Variants in DET1 observed in about 807,000 individuals in gnomAD.
DET1 encodes the protein DET1 partner of COP1 E3 ubiquitin ligase.
Under a neutral mutation model 43.7 loss-of-function variants are expected in DET1, and 22 were observed. The ratio of observed to expected loss-of-function variants is 0.50; its 90% CI spans 0.36 to 0.72. The LOEUF (loss-of-function observed/expected upper bound fraction) is 0.72, where lower values mean the gene tolerates loss of function less well. Among genes scored for constraint, DET1 ranks in the 30% least tolerant of loss-of-function variants. The pLI is 0.00. For missense variants in DET1, 713 were observed against 713.3 expected, an observed-to-expected ratio of 1.00 and a Z score of 0.00; for synonymous variants, 315 against 266.2, an observed-to-expected ratio of 1.18 and a Z score of -1.79.
chr15:88,538,762 CCAAA>C (rs375227870), intron 1 of DET1, among the ~76,000 whole-genome samples: 9 of 152,118 alleles, frequency 5.9e-5, no homozygotes, highest in African/African-American at 1.4e-4. Context: ...TTTCAGGTCC[CCAAA>C]CAGTGACCAC....
chr15:88,512,741 T>A lies in DET1; in HGVS notation c.*210A>T. 1 of 1,295,752 alleles carries A rather than the reference T, an allele frequency of 7.7e-7. No individual in the cohort carries two copies. The allele number at this position is 1,295,752 out of a possible 1,614,324, so 80.3% of individuals were successfully genotyped here. ...TTCCCACAGGGAAAACGCAAGAGGATATTATAACAATCAGTAGCAGTATTG... is the reference window on the plus strand; with the variant it reads ...TTCCCACAGGGAAAACGCAAGAGGAAATTATAACAATCAGTAGCAGTATTG... On this transcript the variant is annotated 3_prime_UTR_variant, in exon 5 of 5. Coordinates refer to ENST00000268148, the MANE Select transcript of DET1 (RefSeq NM_001144074.3).
intron 8 of DET1, chr15:88,502,562 T>C (rs2056099378): frequency 6.6e-6 from 1 of 152,238 alleles, no homozygotes; most frequent in African/African-American, 2.4e-5. Flanking sequence ...TTCTGCTCAC[T>C]AGAGTTAATG....
chr15:88,545,487 C>T (rs1013066900), intron 1 of DET1, among the ~76,000 whole-genome samples: 5 of 152,098 alleles, frequency 3.3e-5, no homozygotes, highest in Admixed American at 2.0e-4. Flanking sequence ...AAAATAACAT[C>T]CCCTGGTATC....
chr15:88,509,137 T>A (rs2056171328), downstream of DET1, among the ~76,000 whole-genome samples: 1 of 152,226 alleles, frequency 6.6e-6, no homozygotes, highest in Non-Finnish European at 1.5e-5. Flanking sequence ...AGTGGCAAGA[T>A]GACCAGCTGA....
At chr15:88,506,131 A>C (rs2056138023) in intron 7 of DET1, among the ~76,000 whole-genome samples, 1 of 152,184 alleles carries the variant, frequency 6.6e-6, no homozygotes, top group African/African-American at 2.4e-5. Flanking sequence ...GGCAGGGTGC[A>C]TTTACTGGGC....
At chr15:88,541,943 C>T (rs1226530574) in intron 1 of DET1, among the ~76,000 whole-genome samples, 1 of 152,208 alleles carries the variant, frequency 6.6e-6, no homozygotes, top group Non-Finnish European at 1.5e-5. Flanking sequence ...TGGGAGGAAG[C>T]AGCCCCTCTA....
At chr15:88,522,636 GT>G (rs2056529383) in intron 3 of DET1, among the ~76,000 whole-genome samples, 1 of 150,696 alleles carries the variant, frequency 6.6e-6, no homozygotes, top group Non-Finnish European at 1.5e-5. Flanking sequence ...AGCCTCCCGA[GT>G]AGCTGGGACT....
intron 3 of DET1, among the ~76,000 whole-genome samples, chr15:88,523,997 C>A (rs934018707): frequency 2.0e-5 from 3 of 150,670 alleles, no homozygotes; most frequent in African/African-American, 7.4e-5. Flanking sequence ...AAGTGAGGAG[C>A]GCCTCTTCCC....
chr15:88,508,283 T>C (rs2056163208), downstream of DET1, among the ~76,000 whole-genome samples: 1 of 152,238 alleles, frequency 6.6e-6, no homozygotes, highest in Non-Finnish European at 1.5e-5. Flanking sequence ...GTGCCCAACC[T>C]GTGGAAAAAT....
chr15:88,507,751 T>C (rs2056156703), downstream of DET1, among the ~76,000 whole-genome samples: 1 of 152,206 alleles, frequency 6.6e-6, no homozygotes, highest in Admixed American at 6.5e-5. Flanking sequence ...CACCTTAGGA[T>C]GAAGCTGATT....
intron 3 of DET1, among the ~76,000 whole-genome samples, chr15:88,521,242 C>T (rs950891846): frequency 5.3e-5 from 8 of 152,192 alleles, no homozygotes; most frequent in African/African-American, 1.7e-4. Flanking sequence ...GTATATTCTT[C>T]TTCCTGCTAT....
chr15:88,507,076 C>T (rs185548866), intron 7 of DET1, among the ~76,000 whole-genome samples: 9 of 152,164 alleles, frequency 5.9e-5, no homozygotes, highest in Non-Finnish European at 1.3e-4. Context: ...TTAATATAAG[C>T]CAAAGTACTC....
chr15:88,539,836 G>T (rs565257843), intron 1 of DET1, among the ~76,000 whole-genome samples: 1 of 152,284 alleles, frequency 6.6e-6, no homozygotes, highest in East Asian at 1.9e-4. Context: ...CAAGTGATTG[G>T]ACCTCCTCTA....
Position 88,504,484 on chromosome 15 carries a change from C to A in DET1, c.*2066-497G>T, listed in dbSNP as rs1407993869. On this transcript the variant is annotated intron_variant and NMD_transcript_variant, in intron 7 of 8. Transcript: ENST00000557842. This position sits in a 1 kb window ranked among gnomAD's most constrained non-coding sequence, Gnocchi z 4.7. The stretch of plus-strand genomic sequence containing the variant: ...CATGACAATGCTTATTGCTTGGAAT[C>A]ATTTTTATATTATATTAACCATGCC... The A allele has an allele frequency of 6.6e-6, 1 of 152,170 alleles. No homozygotes were observed. Among genetic ancestry groups the A allele is most frequent in the African/African-American group, 2.4e-5 (1 of 41,448 alleles). The allele number at this position is 152,170 out of a possible 1,614,324, so 9.4% of individuals were successfully genotyped here. A position where few individuals can be genotyped will look rare whatever the true frequency, so the allele number is the denominator to read the frequency against.
At chr15:88,515,567 A>AAAAAAAAAAAC (rs1567058371) in intron 4 of DET1, among the ~76,000 whole-genome samples, 4 of 149,728 alleles carry the variant, frequency 2.7e-5, no homozygotes, top group Non-Finnish European at 5.9e-5. Flanking sequence ...AAAAAAAAAA[A>AAAAAAAAAAAC]AGACCGAAGG....
intron 3 of DET1, among the ~76,000 whole-genome samples, chr15:88,523,596 C>T (rs985684465): frequency 6.6e-6 from 1 of 152,312 alleles, no homozygotes; most frequent in South Asian, 2.1e-4. Context: ...CGCACCGCCA[C>T]GCCTGACTGG....
rs746494971 is a variant in DET1, at chr15:88,516,759, T to C, written c.1463+23A>G. ...CCATCTTCAGCCCTTGAGCAGTTTG[T>C]AGCTATAGCAGTGACACTGTACCTG... On this transcript the variant is annotated intron_variant, in intron 4 of 4. Coordinates refer to ENST00000268148, the MANE Select transcript of DET1 (RefSeq NM_001144074.3). The surrounding 1 kb of genome is among the most constrained non-coding windows in gnomAD (Gnocchi z 4.4). 6.6e-7 allele frequency: 1 copy of C among 1,514,976 alleles called. No homozygotes were observed. The highest frequency in any genetic ancestry group is 8.8e-7 in the Non-Finnish European group (1 of 1,135,806). The allele number at this position is 1,514,976 out of a possible 1,614,324, so 93.8% of individuals were successfully genotyped here.
At chr15:88,536,502 G>T in intron 1 of DET1, 1 of 540,420 alleles carries the variant, frequency 1.9e-6, no homozygotes, top group East Asian at 3.2e-5. Context: ...CAAACTGGCC[G>T]GGTGCAGTGG....
downstream of DET1, among the ~76,000 whole-genome samples, chr15:88,508,512 A>G (rs905014580): frequency 6.6e-6 from 1 of 152,234 alleles, no homozygotes; most frequent in Non-Finnish European, 1.5e-5. Context: ...CCAAGAAGCA[A>G]CAATCATTAA....
Sources: allele counts gnomAD v4.1 joint callset (sites outside exome capture counted in the v4.1 genomes callset), GRCh38; gene constraint gnomAD v4.1.1; non-coding constraint Gnocchi (gnomAD v3.1); transcripts MANE v1.5; gene names NCBI Gene and HGNC (gene_info 2026-07-23, HGNC 2026-07-21).